Variants in DCAF8L2 observed in about 807,000 individuals in gnomAD.
The protein encoded by DCAF8L2 is DDB1- and CUL4-associated factor 8-like protein 2.
For missense variants in DCAF8L2, 430 were observed against 490.7 expected (o/e 0.88, Z 1.17); for synonymous variants, 200 against 190.9 (o/e 1.05, Z -0.39).
At chrX:27,697,899 C>T (rs10465373) in intron 3 of DCAF8L2, among the ~76,000 whole-genome samples, 9 of 110,326 alleles carry the variant, frequency 8.2e-5, no homozygotes, top group Non-Finnish European at 1.3e-4. Context: ...CAATGATATT[C>T]GCATAAATAT....
intron 2 of DCAF8L2, among the ~76,000 whole-genome samples, chrX:27,656,821 A>G (rs1328045325): frequency 8.9e-6 from 1 of 111,841 alleles, no homozygotes; most frequent in East Asian, 2.8e-4. Context: ...GGGAAGGAAG[A>G]TATACATTAT....
intron 1 of DCAF8L2, among the ~76,000 whole-genome samples, chrX:27,606,258 ATATATATATAGGAAT>A (rs1926869854): frequency 1.1e-5 from 1 of 92,022 alleles, no homozygotes; most frequent in Non-Finnish European, 2.1e-5. Flanking sequence ...AATTATATAT[ATATATATATAGGAAT>A]TATATATATA....
the DCAF8L2 span, among the ~76,000 whole-genome samples, chrX:27,498,444 A>G: frequency 1.8e-5 from 2 of 112,584 alleles, no homozygotes; most frequent in Non-Finnish European, 3.7e-5. Flanking sequence ...ACAAAGAAAT[A>G]AAATATATTC....
At chrX:27,602,512 A>C (rs1926696012) in intron 1 of DCAF8L2, among the ~76,000 whole-genome samples, 1 of 111,713 alleles carries the variant, frequency 9.0e-6, no homozygotes, top group Non-Finnish European at 1.9e-5. Context: ...TCATCATCTT[A>C]TTTCTCTATG....
intron 1 of DCAF8L2, among the ~76,000 whole-genome samples, chrX:27,621,215 A>G (rs1232732736): frequency 9.0e-6 from 1 of 111,556 alleles, no homozygotes; most frequent in African/African-American, 3.3e-5. Flanking sequence ...AGAATGCTAT[A>G]GAGTTTCACT....
the DCAF8L2 span, among the ~76,000 whole-genome samples, chrX:27,512,064 G>C: frequency 9.0e-6 from 1 of 110,558 alleles, no homozygotes; most frequent in Non-Finnish European, 1.9e-5. Context: ...AGGAGTTTGA[G>C]ACCAACCTGG....
intron 1 of DCAF8L2, among the ~76,000 whole-genome samples, chrX:27,621,951 C>A (rs753337208): frequency 9.1e-6 from 1 of 109,710 alleles, no homozygotes; most frequent in South Asian, 3.9e-4. Flanking sequence ...TGAGGTTGCA[C>A]CATGCAATCC....
At chrX:27,524,777 T>C in the DCAF8L2 span, among the ~76,000 whole-genome samples, 1 of 111,817 alleles carries the variant, frequency 8.9e-6, no homozygotes. Context: ...CTGCCTTCAT[T>C]TCGTTATGTA....
At chrX:27,723,319 G>A (rs937790868) in intron 4 of DCAF8L2, among the ~76,000 whole-genome samples, 61 of 110,069 alleles carry the variant, frequency 5.5e-4, no homozygotes, top group South Asian at 1.5e-3. Context: ...ATATCTTTAC[G>A]ATTTGTACCA....
At chrX:27,549,157 G>T in the DCAF8L2 span, among the ~76,000 whole-genome samples, 1,675 of 111,093 alleles carry the variant, frequency 0.015, 71 homozygotes, top group East Asian at 0.2. Context: ...GCAATTGCAT[G>T]AATTAGTATA....
chrX:27,625,660 C>A (rs751636492), intron 1 of DCAF8L2, among the ~76,000 whole-genome samples: 2 of 111,763 alleles, frequency 1.8e-5, no homozygotes, highest in Non-Finnish European at 3.8e-5. Context: ...ACGTATACAC[C>A]GTGGAATACT....
chrX:27,629,460 CTTT>C (rs1001969500), intron 1 of DCAF8L2, among the ~76,000 whole-genome samples: 2 of 109,107 alleles, frequency 1.8e-5, no homozygotes, highest in Non-Finnish European at 3.8e-5. Context: ...CTTTCTCTCT[CTTT>C]TTTCTTTCTT....
At chrX:27,708,535 A>T (rs764899534) in intron 3 of DCAF8L2, among the ~76,000 whole-genome samples, 1 of 111,761 alleles carries the variant, frequency 8.9e-6, no homozygotes, top group African/African-American at 3.3e-5. Flanking sequence ...TGTATTTTCA[A>T]TCTTGTATTA....
At chrX:27,527,977 A>ATTTAATTTAATTAATTATTAAATTAAATT in the DCAF8L2 span, among the ~76,000 whole-genome samples, 103 of 53,922 alleles carry the variant, frequency 1.9e-3, 6 homozygotes, top group African/African-American at 3.5e-3. Flanking sequence ...TTAAATTCCA[A>ATTTAATTTAATTAATTATTAAATTAAATT]TTTAATTTAA....
the DCAF8L2 span, among the ~76,000 whole-genome samples, chrX:27,511,675 A>C: frequency 1.6e-4 from 18 of 112,245 alleles, no homozygotes; most frequent in Non-Finnish European, 3.4e-4. Context: ...CCTTGAGGAA[A>C]GTCATTTATA....
At position 27,747,907 on chromosome X, in the gene DCAF8L2, G is replaced by A; in HGVS notation, c.1012G>A (p.Gly338Ser). The A allele has an allele frequency of 1.7e-6, 2 of 1,211,504 alleles. No individual in the cohort carries two copies. The highest frequency in any genetic ancestry group is 2.2e-6 in the Non-Finnish European group (2 of 895,278). The change falls in exon 5 of 5, where the codon GGT becomes AGT. Residue 338 changes from glycine (G) to serine (S), a missense_variant. Gly to Ser is a moderately conservative substitution (Grantham distance 56, BLOSUM62 0). Coordinates refer to ENST00000451261, the MANE Select transcript of DCAF8L2 (RefSeq NM_001353450.2). ...CTCTCCTTATAAGTTCCTCACTTCA[G>A]GTGAAGATGCTGTTGTCTTCACCAT... ...PDSPYKFLTS[G>S]EDAVVFTIDL...
At chrX:27,563,959 T>C in the DCAF8L2 span, among the ~76,000 whole-genome samples, 2 of 112,439 alleles carry the variant, frequency 1.8e-5, no homozygotes, top group East Asian at 5.6e-4. Flanking sequence ...GGCTGTCTCT[T>C]ACTCTTAAGT....
At chrX:27,635,334 A>G (rs1928457351) in intron 2 of DCAF8L2, among the ~76,000 whole-genome samples, 1 of 111,400 alleles carries the variant, frequency 9.0e-6, no homozygotes, top group Non-Finnish European at 1.9e-5. Context: ...CAATGAAACT[A>G]TCAACATTTA....
At chrX:27,723,283 T>G (rs1468857388) in intron 4 of DCAF8L2, among the ~76,000 whole-genome samples, 1 of 109,386 alleles carries the variant, frequency 9.1e-6, no homozygotes, top group East Asian at 2.8e-4. Context: ...AAAAGCAAAG[T>G]CAAAAGACAA....
Sources: allele counts gnomAD v4.1 joint callset (sites outside exome capture counted in the v4.1 genomes callset), GRCh38; gene constraint gnomAD v4.1.1; transcripts MANE v1.5; gene names NCBI Gene and HGNC (gene_info 2026-07-23, HGNC 2026-07-21).